LHFPL3: variants seen among roughly 807,000 people sequenced by gnomAD.
LHFPL3 encodes the protein LHFPL tetraspan subfamily member 3, also known as LHFPL tetraspan subfamily member 3 protein.
LHFPL3 carries 5 observed loss-of-function variants against 19.3 expected under a neutral mutation model. That is an observed-to-expected ratio of 0.26 (90% CI 0.14 to 0.54). The LOEUF is 0.54. LHFPL3 is among the 20% of genes least tolerant of loss of function. The pLI, the probability that LHFPL3 is intolerant of heterozygous loss-of-function variation, is 0.94. For missense variants in LHFPL3, 249 were observed against 307.4 expected (o/e 0.81, Z 1.42); for synonymous variants, 133 against 126.2 (o/e 1.05, Z -0.36).
intron 1 of LHFPL3, chr7:104,669,121 A>C: frequency 6.2e-7 from 1 of 1,613,050 alleles, no homozygotes; most frequent in Non-Finnish European, 8.5e-7. Flanking sequence ...CCACTCTCCA[A>C]CTTCTAAACC....
intron 2 of LHFPL3, among the ~76,000 whole-genome samples, chr7:104,859,109 A>G (rs1294113023): frequency 1.3e-5 from 2 of 151,736 alleles, no homozygotes; most frequent in African/African-American, 4.8e-5. Flanking sequence ...CTAAAAAAAA[A>G]TACAAAAATT....
At chr7:104,596,081 G>GT (rs1790852060) in intron 1 of LHFPL3, among the ~76,000 whole-genome samples, 1 of 152,198 alleles carries the variant, frequency 6.6e-6, no homozygotes, top group African/African-American at 2.4e-5. Flanking sequence ...TGTCCAATCA[G>GT]TCCCAGTGAG....
intron 1 of LHFPL3, among the ~76,000 whole-genome samples, chr7:104,702,125 G>A (rs1793115178): frequency 6.6e-6 from 1 of 152,010 alleles, no homozygotes; most frequent in South Asian, 2.1e-4. Context: ...AACATGCAGA[G>A]TTTGGTTTTC....
At chr7:104,343,660 A>G (rs976415286) in intron 1 of LHFPL3, among the ~76,000 whole-genome samples, 1 of 151,970 alleles carries the variant, frequency 6.6e-6, no homozygotes, top group South Asian at 2.1e-4. Context: ...CACTTGCAAA[A>G]TGAACCATTG....
intron 1 of LHFPL3, among the ~76,000 whole-genome samples, chr7:104,594,518 A>G (rs6466000): frequency 0.97 from 147,986 of 152,166 alleles, 72,068 homozygotes; most frequent in East Asian, 1. Context: ...ATGTGTCTTG[A>G]GGTTGCTCTT....
intron 2 of LHFPL3, among the ~76,000 whole-genome samples, chr7:104,778,396 C>G (rs1794665723): frequency 6.6e-6 from 1 of 152,160 alleles, no homozygotes; most frequent in South Asian, 2.1e-4. Flanking sequence ...AGATCCTGTG[C>G]CTAGTGCAGG....
At chr7:104,435,280 C>G (rs572493203) in intron 1 of LHFPL3, among the ~76,000 whole-genome samples, 1 of 152,042 alleles carries the variant, frequency 6.6e-6, no homozygotes, top group African/African-American at 2.4e-5. Context: ...GTAGCTGGGA[C>G]TGCAGGCATG....
chr7:104,816,619 A>T (rs1019529134), intron 2 of LHFPL3, among the ~76,000 whole-genome samples: 1 of 152,234 alleles, frequency 6.6e-6, no homozygotes, highest in Non-Finnish European at 1.5e-5. Flanking sequence ...CTTAAGCCCC[A>T]TCTGAAATTT....
In LHFPL3 at chr7:104,723,291, T is replaced by G. The variant is rs140671349; in HGVS notation, c.446-13384T>G. On this transcript the variant is annotated intron_variant, in intron 1 of 2. Coordinates refer to ENST00000424859, the MANE Select transcript of LHFPL3 (RefSeq NM_199000.3). ...TTAAACATTTGGAAGATACCTAAAA[T>G]TGAAATCATCGGTGATATCCTCACA... 2.7e-3 allele frequency among the ~76,000 whole-genome samples: 409 copies of G among 152,304 alleles called. 2 individuals are homozygous for G. The highest frequency in any genetic ancestry group is 9.2e-3 in the African/African-American group (381 of 41,572).
At chr7:104,387,529 A>G (rs1427156288) in intron 1 of LHFPL3, among the ~76,000 whole-genome samples, 1 of 152,204 alleles carries the variant, frequency 6.6e-6, no homozygotes, top group Non-Finnish European at 1.5e-5. Context: ...AAAAAAGAAT[A>G]AATAGAAATT....
At chr7:104,697,412 T>C (rs932061611) in intron 1 of LHFPL3, among the ~76,000 whole-genome samples, 3 of 152,224 alleles carry the variant, frequency 2.0e-5, no homozygotes, top group Non-Finnish European at 4.4e-5. Context: ...ATAATGTATA[T>C]GTCACCAGCA....
chr7:104,830,648 A>T (rs572714367), intron 2 of LHFPL3, among the ~76,000 whole-genome samples: 1 of 151,986 alleles, frequency 6.6e-6, no homozygotes, highest in African/African-American at 2.4e-5. Context: ...GTTGTAGACA[A>T]GTGGCATTAT....
chr7:104,779,794 C>T (rs1794690750), intron 2 of LHFPL3, among the ~76,000 whole-genome samples: 1 of 152,228 alleles, frequency 6.6e-6, no homozygotes, highest in African/African-American at 2.4e-5. Flanking sequence ...AGGTCTGACT[C>T]GACCATAATC....
chr7:104,788,402 CTT>C (rs1211634891), intron 2 of LHFPL3, among the ~76,000 whole-genome samples: 1 of 152,206 alleles, frequency 6.6e-6, no homozygotes, highest in Non-Finnish European at 1.5e-5. Context: ...TTAGCACAGT[CTT>C]CACACACCAT....
At chr7:104,614,420 T>A (rs1791268949) in intron 1 of LHFPL3, among the ~76,000 whole-genome samples, 1 of 152,164 alleles carries the variant, frequency 6.6e-6, no homozygotes, top group African/African-American at 2.4e-5. Flanking sequence ...TGTGTCTATT[T>A]TGTTTACCAC....
At chr7:104,682,872 A>C (rs1024738145) in intron 1 of LHFPL3, among the ~76,000 whole-genome samples, 3 of 152,262 alleles carry the variant, frequency 2.0e-5, no homozygotes, top group Admixed American at 2.0e-4. Flanking sequence ...CTATAAAAGC[A>C]ATACATGCTT....
intron 1 of LHFPL3, among the ~76,000 whole-genome samples, chr7:104,494,462 G>A (rs971265124): frequency 2.0e-5 from 3 of 151,952 alleles, no homozygotes; most frequent in African/African-American, 7.3e-5. Context: ...TCCTTTTGCT[G>A]AGATCTCTCC....
intron 1 of LHFPL3, among the ~76,000 whole-genome samples, chr7:104,488,995 G>A (rs1169764534): frequency 1.3e-5 from 2 of 152,074 alleles, no homozygotes. Context: ...AGTGTCCCAT[G>A]CTCAGAAGGG....
intron 1 of LHFPL3, among the ~76,000 whole-genome samples, chr7:104,442,410 A>G (rs935564022): frequency 5.3e-5 from 8 of 152,338 alleles, no homozygotes; most frequent in African/African-American, 1.9e-4. Flanking sequence ...ATTTTAAAAG[A>G]TAAAAGGAAT....
Sources: gnomAD v4.1 joint callset for allele counts (sites outside exome capture counted in the v4.1 genomes callset) on GRCh38, gnomAD v4.1.1 for gene constraint, MANE v1.5 for transcripts, NCBI Gene and HGNC (gene_info 2026-07-23, HGNC 2026-07-21) for gene names.